The following ELAVL1 variants were observed in gnomAD, a reference collection of about 807,000 sequenced individuals.
ELAVL1 encodes ELAV-like protein 1.
In ELAVL1, 1 loss-of-function variant was observed where a neutral mutation model predicts 28.4. That is an observed-to-expected ratio of 0.04 (90% CI 0.01 to 0.17). The LOEUF (loss-of-function observed/expected upper bound fraction) is 0.17, where lower values mean the gene tolerates loss of function less well. Ranked by LOEUF, ELAVL1 falls within the 10% of genes least tolerant of loss-of-function variation. ELAVL1 has a pLI of 1.00. For missense variants in ELAVL1, 157 were observed against 447.2 expected (o/e 0.35, Z 5.85); for synonymous variants, 174 against 183.5 (o/e 0.95, Z 0.42).
intron 1 of ELAVL1, among the ~76,000 whole-genome samples, chr19:8,001,444 C>T (rs750736533): frequency 7.2e-5 from 11 of 152,066 alleles, no homozygotes; most frequent in Non-Finnish European, 1.5e-4. Flanking sequence ...CCTGCTAGAC[C>T]GACTCCTAAG....
rs991773469 is a variant in ELAVL1 at position 7,961,836 on chromosome 19, T to C, written c.*1647A>G. On this transcript the variant is annotated 3_prime_UTR_variant, in exon 6 of 6. Transcript: ENST00000407627. Reference sequence around the variant, plus strand: ...CCTGCCTATTGCTCAATTTCACACTTCAATAAATAAATACATAAATAGGTA... The same window carrying C: ...CCTGCCTATTGCTCAATTTCACACTCCAATAAATAAATACATAAATAGGTA... 2 of 152,066 alleles carry C rather than the reference T, an allele frequency of 1.3e-5. No individual in the cohort carries two copies. Among genetic ancestry groups the C allele is most frequent in the African/African-American group, 4.8e-5 (2 of 41,396 alleles). The allele number at this position is 152,066 out of a possible 1,614,324, so 9.4% of individuals were successfully genotyped here. A position where few individuals can be genotyped will look rare whatever the true frequency, so the allele number is the denominator to read the frequency against.
At position 7,979,264 on chromosome 19, in the gene ELAVL1, G is replaced by A. The variant is rs540785920; in HGVS notation, c.276+1819C>T. Among the ~76,000 whole-genome samples the A allele has an allele frequency of 6.6e-6, 1 of 152,354 alleles. No homozygotes were observed. The highest frequency in any genetic ancestry group is 1.9e-4 in the East Asian group (1 of 5,184). On this transcript the variant is annotated intron_variant, in intron 3 of 5. Transcript: ENST00000407627. The surrounding 1 kb of genome is among the most constrained non-coding windows in gnomAD (Gnocchi z 5.4). ...CCGGCAGAGGGCAGGGCCGCCGAAG[G>A]TGAGGCAGGCTTCTGCATGCATGGC...
chr19:8,000,828 C>T (rs2081065297), intron 1 of ELAVL1, among the ~76,000 whole-genome samples: 2 of 152,212 alleles, frequency 1.3e-5, no homozygotes, highest in Non-Finnish European at 2.9e-5. Context: ...CTGAGAAGCC[C>T]GGGGCAGGAG....
In ELAVL1 at chr19:7,958,633, T is replaced by A. The variant is rs895934972; in HGVS notation, c.*4850A>T. The stretch of plus-strand genomic sequence containing the variant: ...CACAGAATTCCAGTCATAGTTAACA[T>A]ACAGCGTTTAACACGAACCTGATAC... On this transcript the variant is annotated 3_prime_UTR_variant, in exon 6 of 6. Coordinates refer to ENST00000407627, the MANE Select transcript of ELAVL1 (RefSeq NM_001419.3). 1 of 152,306 alleles carries A rather than the reference T, an allele frequency of 6.6e-6. No homozygotes were observed. Among genetic ancestry groups the A allele is most frequent in the Admixed American group, 6.5e-5 (1 of 15,298 alleles). The allele number at this position is 152,306 out of a possible 1,614,324, so 9.4% of individuals were successfully genotyped here. A position where few individuals can be genotyped will look rare whatever the true frequency, so the allele number is the denominator to read the frequency against.
chr19:7,985,692 G>A (rs1822149088), intron 2 of ELAVL1, among the ~76,000 whole-genome samples: 1 of 152,242 alleles, frequency 6.6e-6, no homozygotes, highest in African/African-American at 2.4e-5. Flanking sequence ...TGGGATGGGA[G>A]ATGGGATGGA....
intron 5 of ELAVL1, among the ~76,000 whole-genome samples, chr19:7,966,600 C>T (rs1231492701): frequency 6.6e-6 from 1 of 152,202 alleles, no homozygotes; most frequent in African/African-American, 2.4e-5. Flanking sequence ...ATCTTTTCTC[C>T]CACAGATATG....
Position 7,963,214 on chromosome 19 carries a change from G to GT in ELAVL1, c.*268dup. 4.6e-6 allele frequency: 2 copies of GT among 430,700 alleles called. No homozygotes were observed. Among genetic ancestry groups the GT allele is most frequent in the Non-Finnish European group, 8.3e-6 (2 of 239,650 alleles). 26.7% of individuals were successfully genotyped at this position (430,700 alleles called of 1,614,324 possible). On this transcript the variant is annotated 3_prime_UTR_variant, in exon 6 of 6. Transcript: ENST00000407627. This position sits in a 1 kb window ranked among gnomAD's most constrained non-coding sequence, Gnocchi z 4.5. ...GGTTCACCACCATCCAGAGGGACTG[G>GT]TTAGTCAATGCAGTTCTACTTAGAT... is the stretch of plus-strand genomic sequence containing the variant.
chr19:7,984,473 C>T (rs939373995), intron 2 of ELAVL1, among the ~76,000 whole-genome samples: 2 of 152,216 alleles, frequency 1.3e-5, no homozygotes, highest in African/African-American at 2.4e-5. Context: ...GTAGAGGTGG[C>T]CCGTGTGGCA....
intron 3 of ELAVL1, among the ~76,000 whole-genome samples, chr19:7,974,560 G>T (rs969426363): frequency 6.6e-6 from 1 of 152,136 alleles, no homozygotes; most frequent in Non-Finnish European, 1.5e-5. Context: ...TCAGGTTGGC[G>T]CTGACGGCCG....
rs1161245314 is a variant in ELAVL1 at position 7,979,282 on chromosome 19, T to C, written c.276+1801A>G. Among the ~76,000 whole-genome samples the C allele has an allele frequency of 1.3e-5, 2 of 152,184 alleles. No individual in the cohort carries two copies. The highest frequency in any genetic ancestry group is 2.9e-5 in the Non-Finnish European group (2 of 68,028). On this transcript the variant is annotated intron_variant, in intron 3 of 5. Transcript: ENST00000407627. The surrounding 1 kb of genome is among the most constrained non-coding windows in gnomAD (Gnocchi z 5.4). ...GCCGAAGGTGAGGCAGGCTTCTGCATGCATGGCCGGGATGACAGGGAGGGA... is the reference window on the plus strand; with the variant it reads ...GCCGAAGGTGAGGCAGGCTTCTGCACGCATGGCCGGGATGACAGGGAGGGA...
rs189724782 is a variant in ELAVL1 at position 7,964,043 on chromosome 19, C to T, written c.657-236G>A. On this transcript the variant is annotated intron_variant, in intron 5 of 5. Coordinates refer to ENST00000407627, the MANE Select transcript of ELAVL1 (RefSeq NM_001419.3). ...TGACTCTGAGGGGCTGGTTGGTGCC[C>T]TCCACTCCTCCCACTGTGTATGTCG... Among the ~76,000 whole-genome samples, 875 of 152,276 alleles carry T rather than the reference C, an allele frequency of 5.7e-3. 9 individuals are homozygous for T. The highest frequency in any genetic ancestry group is 0.02 in the African/African-American group (832 of 41,532).
chr19:7,980,605 C>A (rs562153677), intron 3 of ELAVL1, among the ~76,000 whole-genome samples: 1 of 152,328 alleles, frequency 6.6e-6, no homozygotes, highest in African/African-American at 2.4e-5. Flanking sequence ...GAAGCCTCCA[C>A]ACACGGCAAC....
At chr19:7,986,520 G>A (rs1985605981) in intron 2 of ELAVL1, among the ~76,000 whole-genome samples, 1 of 152,208 alleles carries the variant, frequency 6.6e-6, no homozygotes, top group Non-Finnish European at 1.5e-5. Flanking sequence ...GCCAAGGCTA[G>A]CGGATAGCAG....
In ELAVL1 at chr19:7,978,238, T is replaced by C. The variant is rs80183293; in HGVS notation, c.276+2845A>G. Among the ~76,000 whole-genome samples, 42 of 152,346 alleles carry C rather than the reference T, an allele frequency of 2.8e-4. No individual in the cohort carries two copies. In the East Asian group the frequency reaches 7.9e-3, roughly 29 times the overall value. ...GCTTGTAAAACTCCTGGAATTTCTG[T>C]CTTTGTTACCATAAGGCCTTGGATC... On this transcript the variant is annotated intron_variant, in intron 3 of 5. Transcript: ENST00000407627.
intron 4 of ELAVL1, among the ~76,000 whole-genome samples, chr19:7,971,278 C>A (rs181588899): frequency 1.3e-5 from 2 of 152,306 alleles, no homozygotes; most frequent in African/African-American, 2.4e-5. Context: ...AGTTGGGTGG[C>A]TGGAGGCATG....
Position 8,003,355 on chromosome 19 carries a change from CAAAAAAAA to C in ELAVL1, c.-17+2132_-17+2139del, listed in dbSNP as rs71165248. On this transcript the variant is annotated intron_variant, in intron 1 of 5. Coordinates refer to ENST00000407627, the MANE Select transcript of ELAVL1 (RefSeq NM_001419.3). ...CTGGGCAACAAGGGTGAAACTGTCT[CAAAAAAAA>C]AAAAAAAAAAAGAAAAAGAAAAAAA... Among the ~76,000 whole-genome samples, 91 of 61,098 alleles carry C rather than the reference CAAAAAAAA, an allele frequency of 1.5e-3. 1 individual carries two copies. Among genetic ancestry groups the C allele is most frequent in the Admixed American group, 5.8e-3 (21 of 3,648 alleles). The allele number at this position is 61,098 out of a possible 152,430, so 40.1% of individuals were successfully genotyped here.
intron 1 of ELAVL1, among the ~76,000 whole-genome samples, chr19:7,993,794 G>A (rs947345054): frequency 1.3e-5 from 2 of 152,208 alleles, no homozygotes; most frequent in African/African-American, 2.4e-5. Flanking sequence ...CAGTGCCCAC[G>A]GTCATGCGCC....
chr19:8,000,288 A>C (rs1485154181), intron 1 of ELAVL1, among the ~76,000 whole-genome samples: 1 of 152,172 alleles, frequency 6.6e-6, no homozygotes, highest in Non-Finnish European at 1.5e-5. Flanking sequence ...TATTTTAAAC[A>C]ATCCTGGTTG....
chr19:7,974,921 C>T (rs1242189756), intron 3 of ELAVL1, among the ~76,000 whole-genome samples: 1 of 152,212 alleles, frequency 6.6e-6, no homozygotes, highest in African/African-American at 2.4e-5. Flanking sequence ...ATTGCCCCTG[C>T]TCATAGGGCA....
Sources: gnomAD v4.1 joint callset for allele counts (sites outside exome capture counted in the v4.1 genomes callset) on GRCh38, gnomAD v4.1.1 for gene constraint, Gnocchi (gnomAD v3.1) non-coding constraint, MANE v1.5 for transcripts, NCBI Gene and HGNC (gene_info 2026-07-23, HGNC 2026-07-21) for gene names.